ATP2A2: variants seen among roughly 807,000 people sequenced by gnomAD.
ATP2A2 encodes ATPase sarcoplasmic/endoplasmic reticulum Ca2+ transporting 2, also known as sarcoplasmic/endoplasmic reticulum calcium ATPase 2.
ATP2A2 carries 14 observed loss-of-function variants against 109.3 expected under a neutral mutation model. The ratio of observed to expected loss-of-function variants is 0.13; its 90% CI spans 0.08 to 0.20. The LOEUF is 0.20. Among genes scored for constraint, ATP2A2 ranks in the 10% least tolerant of loss-of-function variants. The pLI, the probability that ATP2A2 is intolerant of heterozygous loss-of-function variation, is 1.00. For missense variants in ATP2A2, 657 were observed against 1,321.6 expected (o/e 0.50, Z 7.80); for synonymous variants, 506 against 490.9 (o/e 1.03, Z -0.41).
chr12:110,349,434 C>T lies in ATP2A2; in HGVS notation c.*2964C>T. 13 of 985,558 alleles carry T rather than the reference C, an allele frequency of 1.3e-5. No individual in the cohort carries two copies. Among genetic ancestry groups the T allele is most frequent in the African/African-American group, 1.7e-5 (1 of 57,388 alleles). The allele number at this position is 985,558 out of a possible 1,614,324, so 61.1% of individuals were successfully genotyped here. Reference sequence around the variant, plus strand: ...CCGTGCCTCCCTTGGCCTCTCTGAGCTTTGCCCAGAAGACCAACAATCATA... The same window carrying T: ...CCGTGCCTCCCTTGGCCTCTCTGAGTTTTGCCCAGAAGACCAACAATCATA... On this transcript the variant is annotated 3_prime_UTR_variant, in exon 20 of 20. Coordinates refer to ENST00000539276, the MANE Select transcript of ATP2A2 (RefSeq NM_170665.4).
chr12:110,339,622 C>T lies in ATP2A2; in HGVS notation c.1662C>T (p.Gly554=). ...CTGTCATTCGAGAGTGGGGTAGTGGCAGCGACACACTGCGATGCCTGGCCC... is the reference window on the plus strand; with the variant it reads ...CTGTCATTCGAGAGTGGGGTAGTGGTAGCGACACACTGCGATGCCTGGCCC... The part of the protein sequence containing the change: ...IMSVIREWGS[G]SDTLRCLALA... Residue 554 remains glycine (G), a synonymous_variant, in exon 13 of 20, where the codon GGC becomes GGT. Transcript: ENST00000539276. The surrounding 1 kb of genome is among the most constrained non-coding windows in gnomAD (Gnocchi z 4.4). The T allele has an allele frequency of 6.2e-7, 1 of 1,614,160 alleles. No individual in the cohort carries two copies.
rs752355242 is a variant in ATP2A2, at chr12:110,282,573, A to AC, written c.119-30dup. ...TTTTTTTTTTAACCTCCCTCTTGAC[A>AC]CATTGCTTGACGAATTTCTACATTC... On this transcript the variant is annotated intron_variant, in intron 1 of 19. Transcript: ENST00000539276. 11 of 1,613,038 alleles carry AC rather than the reference A, an allele frequency of 6.8e-6. No individual in the cohort carries two copies. The African/African-American group carries it at 1.5e-4, about 22-fold the overall frequency.
chr12:110,341,676 C>G (rs1879368190), intron 14 of ATP2A2, among the ~76,000 whole-genome samples: 1 of 152,092 alleles, frequency 6.6e-6, no homozygotes, highest in African/African-American at 2.4e-5. Context: ...AGTTCAAGAC[C>G]AGCCTGGCCA....
intron 11 of ATP2A2, among the ~76,000 whole-genome samples, chr12:110,335,152 C>T (rs573111346): frequency 1.3e-5 from 2 of 152,306 alleles, no homozygotes; most frequent in South Asian, 4.1e-4. Flanking sequence ...TGAGGTTCCT[C>T]TCAAAGAGCT....
intron 8 of ATP2A2, 130 bp downstream of exon 8, chr12:110,328,147 T>A: frequency 1.1e-6 from 1 of 904,644 alleles, no homozygotes; most frequent in Non-Finnish European, 1.7e-6. Flanking sequence ...AGCCTGAGCT[T>A]AATTTCTAAT....
At chr12:110,331,916 G>A (rs919807355) in intron 8 of ATP2A2, 11 of 152,194 alleles carry the variant, frequency 7.2e-5, no homozygotes, top group African/African-American at 2.4e-4. Context: ...AGCTTATGTC[G>A]CTTTAAAAAA....
Position 110,346,130 on chromosome 12 carries a change from G to T in ATP2A2, c.2859+12G>T. 1 of 1,614,168 alleles carries T rather than the reference G, an allele frequency of 6.2e-7. No homozygotes were observed. Among genetic ancestry groups the T allele is most frequent in the Non-Finnish European group, 8.5e-7 (1 of 1,180,046 alleles). On this transcript the variant is annotated intron_variant, in intron 19 of 19. Transcript: ENST00000539276. Reference sequence around the variant, plus strand: ...TCGAACCCTTGCCAGTAAGTGGTTGGGTGGGGCTTGGGACCAGCCACCTCC... The same window carrying T: ...TCGAACCCTTGCCAGTAAGTGGTTGTGTGGGGCTTGGGACCAGCCACCTCC...
chr12:110,305,207 T>G (rs940650613), intron 5 of ATP2A2, among the ~76,000 whole-genome samples: 3 of 152,164 alleles, frequency 2.0e-5, no homozygotes, highest in African/African-American at 7.2e-5. Flanking sequence ...GTGCTGCGAT[T>G]ATAGGCAAGA....
chr12:110,341,023 C>T (rs1879304092), intron 14 of ATP2A2, 29 bp downstream of exon 14: 2 of 1,610,862 alleles, frequency 1.2e-6, no homozygotes, highest in South Asian at 1.1e-5. Flanking sequence ...GTACAGGTGA[C>T]TCAGGCTACA....
chr12:110,291,902 C>T (rs1472386037), intron 3 of ATP2A2, 118 bp from the exon 4 acceptor site: 11 of 900,640 alleles, frequency 1.2e-5, no homozygotes, highest in Non-Finnish European at 1.8e-5. Context: ...CTGCCTTGGC[C>T]TCCCAAAGTG....
At chr12:110,323,534 G>T (rs1218379780) in intron 6 of ATP2A2, among the ~76,000 whole-genome samples, 1 of 152,164 alleles carries the variant, frequency 6.6e-6, no homozygotes, top group African/African-American at 2.4e-5. Flanking sequence ...AAATGGCTGG[G>T]CACGGTGGCT....
At chr12:110,304,782 T>C (rs1018662118) in intron 5 of ATP2A2, among the ~76,000 whole-genome samples, 4 of 152,246 alleles carry the variant, frequency 2.6e-5, no homozygotes, top group Non-Finnish European at 5.9e-5. Flanking sequence ...TACATTGTTG[T>C]TGCTTGTGCT....
At chr12:110,286,985 G>A (rs1229458173) in intron 3 of ATP2A2, among the ~76,000 whole-genome samples, 1 of 152,158 alleles carries the variant, frequency 6.6e-6, no homozygotes. Flanking sequence ...GCAGTGAGTG[G>A]CTCATGCCTG....
In ATP2A2 at chr12:110,311,434, C is replaced by G. The variant is rs1201025840; in HGVS notation, c.464-11558C>G. On this transcript the variant is annotated intron_variant, in intron 5 of 19. Transcript: ENST00000539276. ...GAAACCCCCGTCTCTACTAAAAATA[C>G]AAAAATTAGCCGGGTGCAGTGGCAG... Among the ~76,000 whole-genome samples, 3 of 151,408 alleles carry G rather than the reference C, an allele frequency of 2.0e-5. No homozygotes were observed. In the South Asian group the frequency reaches 6.3e-4, roughly 32 times the overall value.
intron 5 of ATP2A2, among the ~76,000 whole-genome samples, chr12:110,307,222 C>CTTTTTTTTTT (rs113642254): frequency 7.9e-6 from 1 of 126,726 alleles, no homozygotes; most frequent in African/African-American, 3.0e-5. Context: ...GCCCCACCAC[C>CTTTTTTTTTT]TTTTTTTTTT....
At chr12:110,332,336 A>G in intron 8 of ATP2A2, 1 of 470,834 alleles carries the variant, frequency 2.1e-6, no homozygotes, top group Non-Finnish European at 3.9e-6. Context: ...CTGCTCATTC[A>G]TTCAGCACCT....
At chr12:110,326,839 G>C (rs1877852194) in intron 7 of ATP2A2, among the ~76,000 whole-genome samples, 1 of 152,226 alleles carries the variant, frequency 6.6e-6, no homozygotes. Flanking sequence ...CGTGTTTAGA[G>C]AGAGAGAGAA....
intron 3 of ATP2A2, among the ~76,000 whole-genome samples, chr12:110,287,695 A>G (rs1592789836): frequency 1.3e-5 from 2 of 150,670 alleles, no homozygotes; most frequent in South Asian, 2.1e-4. Context: ...GCTCACTGCA[A>G]CCTCCACCTC....
intron 4 of ATP2A2, among the ~76,000 whole-genome samples, chr12:110,293,850 G>GTATATATATATATATATATATA: frequency 8.2e-6 from 1 of 122,480 alleles, no homozygotes; most frequent in Non-Finnish European, 1.7e-5. Flanking sequence ...GTGTGTGTGT[G>GTATATATATATATATATATATA]TGTGTGTGTG....
Sources: gnomAD v4.1 joint callset for allele counts (sites outside exome capture counted in the v4.1 genomes callset) on GRCh38, gnomAD v4.1.1 for gene constraint, Gnocchi (gnomAD v3.1) non-coding constraint, MANE v1.5 for transcripts, NCBI Gene and HGNC (gene_info 2026-07-23, HGNC 2026-07-21) for gene names.